The following DTNA variants were observed in gnomAD, a reference collection of about 807,000 sequenced individuals.
DTNA encodes dystrophin-related protein 3.
DTNA carries 43 observed loss-of-function variants against 100.7 expected under a neutral mutation model. That is an observed-to-expected ratio of 0.43 (90% CI 0.33 to 0.55). The LOEUF is 0.55. Among genes scored for constraint, DTNA ranks in the 20% least tolerant of loss-of-function variants. DTNA has a pLI of 0.04. For synonymous variants in DTNA, 349 were observed against 347.9 expected (o/e 1.00, Z -0.04); for missense variants, 798 against 953.9 (o/e 0.84, Z 2.15).
In DTNA at chr18:34,602,374, C is replaced by T. The variant is rs143176117; in HGVS notation, c.-2+108860C>T. ...AATGAATTTGGAACATGCTGTATACCGTATCCCTTTCTTGGAGATTTAGGT... is the reference window on the plus strand; with the variant it reads ...AATGAATTTGGAACATGCTGTATACTGTATCCCTTTCTTGGAGATTTAGGT... On this transcript the variant is annotated intron_variant, in intron 1 of 19. Coordinates refer to the DTNA transcript ENST00000283365. 4.7e-4 allele frequency among the ~76,000 whole-genome samples: 71 copies of T among 152,162 alleles called. 2 individuals are homozygous for T. In the East Asian group the frequency reaches 0.013, roughly 29 times the overall value.
At chr18:34,756,174 C>T in intron 2 of DTNA, 131 bp downstream of exon 2, 1 of 1,101,410 alleles carries the variant, frequency 9.1e-7, no homozygotes, top group South Asian at 1.4e-5. Context: ...ATGAAGTGTA[C>T]ATTTTGGCCT....
chr18:34,556,694 C>T (rs371712686), intron 1 of DTNA, among the ~76,000 whole-genome samples: 23 of 150,456 alleles, frequency 1.5e-4, no homozygotes, highest in East Asian at 7.8e-4. Flanking sequence ...TGTTGAATAT[C>T]GGCCCCCACT....
At chr18:34,670,797 G>A (rs1009596237) in intron 1 of DTNA, among the ~76,000 whole-genome samples, 1 of 152,156 alleles carries the variant, frequency 6.6e-6, no homozygotes, top group African/African-American at 2.4e-5. Context: ...TGTCTCAGAG[G>A]GGTACTCAGC....
intron 4 of DTNA, among the ~76,000 whole-genome samples, chr18:34,799,523 C>G (rs891937579): frequency 2.5e-4 from 38 of 152,010 alleles, no homozygotes; most frequent in Admixed American, 2.5e-3. Flanking sequence ...TATAAAAAAC[C>G]AAATGTTCTT....
At position 34,533,106 on chromosome 18, in the gene DTNA, C is replaced by T. The variant is rs537717269; in HGVS notation, c.-2+39592C>T. Among the ~76,000 whole-genome samples, 773 of 152,146 alleles carry T rather than the reference C, an allele frequency of 5.1e-3. 3 individuals are homozygous for T. Among genetic ancestry groups the T allele is most frequent in the Non-Finnish European group, 9.2e-3 (623 of 67,966 alleles). Reference sequence around the variant, plus strand: ...GAGAGTGGGGCTGGATGCAGTGGCTCATTCCTGTAATCTCAGCACTTTGGG... The same window carrying T: ...GAGAGTGGGGCTGGATGCAGTGGCTTATTCCTGTAATCTCAGCACTTTGGG... On this transcript the variant is annotated intron_variant, in intron 1 of 19. Coordinates refer to the DTNA transcript ENST00000283365.
intron 1 of DTNA, among the ~76,000 whole-genome samples, chr18:34,605,469 C>G (rs1023172853): frequency 2.6e-5 from 4 of 152,142 alleles, no homozygotes; most frequent in Non-Finnish European, 5.9e-5. Flanking sequence ...TGACAATTTT[C>G]AAAGCAGAGA....
At chr18:34,809,302 G>A (rs916214972) in intron 5 of DTNA, among the ~76,000 whole-genome samples, 1 of 152,054 alleles carries the variant, frequency 6.6e-6, no homozygotes, top group Non-Finnish European at 1.5e-5. Flanking sequence ...TGATAAAACA[G>A]ATAAGGTAGC....
At chr18:34,679,473 T>C (rs2077803005) in intron 1 of DTNA, 1 of 152,178 alleles carries the variant, frequency 6.6e-6, no homozygotes, top group Non-Finnish European at 1.5e-5. Flanking sequence ...TGCAGATAAA[T>C]AGGATTTACC....
At chr18:34,558,047 C>G (rs968665468) in intron 1 of DTNA, 1 of 153,506 alleles carries the variant, frequency 6.5e-6, no homozygotes, top group African/African-American at 2.4e-5. Flanking sequence ...ACCCTCCGAG[C>G]CAGGTGCGGG....
chr18:34,686,103 C>T (rs962311537), intron 1 of DTNA, among the ~76,000 whole-genome samples: 2 of 152,152 alleles, frequency 1.3e-5, no homozygotes, highest in African/African-American at 2.4e-5. Flanking sequence ...ATTTGACTTC[C>T]TGTCTTCCTA....
At position 34,750,677 on chromosome 18, in the gene DTNA, G is replaced by A. The variant is rs188060857; in HGVS notation, c.-1-5299G>A. 8.9e-4 allele frequency among the ~76,000 whole-genome samples: 136 copies of A among 152,278 alleles called. 1 individual carries two copies. The highest frequency in any genetic ancestry group is 6.0e-4 in the Non-Finnish European group (41 of 68,034). On this transcript the variant is annotated intron_variant, in intron 1 of 22. Coordinates refer to ENST00000444659, the MANE Select transcript of DTNA (RefSeq NM_001386795.1). ...AGTTCCTTAGCTATAACTTGGGAAT[G>A]TAATATCTTTTTGACTTCCTAACAA...
At chr18:34,664,604 G>A (rs903435508) in intron 1 of DTNA, among the ~76,000 whole-genome samples, 2 of 152,108 alleles carry the variant, frequency 1.3e-5, no homozygotes, top group African/African-American at 4.8e-5. Flanking sequence ...GTTGTGGAGT[G>A]AGAATAGGGT....
At chr18:34,652,024 C>CCACTGCACTACACTGCACTA (rs2060504522) in intron 1 of DTNA, among the ~76,000 whole-genome samples, 1 of 151,618 alleles carries the variant, frequency 6.6e-6, no homozygotes, top group East Asian at 1.9e-4. Flanking sequence ...CATGATCATG[C>CCACTGCACTACACTGCACTA]CACTGCACTA....
chr18:34,537,100 GCTATACCTGTCTAAAT>G (rs1439330659), intron 1 of DTNA, among the ~76,000 whole-genome samples: 1 of 151,932 alleles, frequency 6.6e-6, no homozygotes, highest in African/African-American at 2.4e-5. Context: ...GCTATTACTA[GCTATACCTGTCTAAAT>G]CTCCATGACT....
intron 1 of DTNA, among the ~76,000 whole-genome samples, chr18:34,536,051 GA>G (rs1246423557): frequency 4.0e-5 from 6 of 151,828 alleles, no homozygotes; most frequent in African/African-American, 1.5e-4. Context: ...ATAATTTTCT[GA>G]CATAAAATAA....
At chr18:34,849,421 A>T (rs926993060) in intron 14 of DTNA, among the ~76,000 whole-genome samples, 2 of 152,158 alleles carry the variant, frequency 1.3e-5, no homozygotes, top group Admixed American at 6.5e-5. Context: ...AAGATATGGG[A>T]TTAGCAATGT....
intron 4 of DTNA, among the ~76,000 whole-genome samples, chr18:34,801,147 G>A (rs536208356): frequency 1.3e-5 from 2 of 152,208 alleles, no homozygotes; most frequent in South Asian, 4.1e-4. Context: ...CTCAGAGTGA[G>A]AAAACAAAAT....
chr18:34,827,373 A>G (rs2149538837), intron 9 of DTNA, among the ~76,000 whole-genome samples: 1 of 152,312 alleles, frequency 6.6e-6, no homozygotes, highest in Non-Finnish European at 1.5e-5. Flanking sequence ...TGGTGTCTGG[A>G]GATCTTCCTC....
At chr18:34,694,531 AGCTCT>A (rs2080238824) in intron 1 of DTNA, among the ~76,000 whole-genome samples, 2 of 152,196 alleles carry the variant, frequency 1.3e-5, no homozygotes, top group African/African-American at 4.8e-5. Flanking sequence ...TAAATAATGT[AGCTCT>A]CAATTTTGTC....
Sources: allele counts gnomAD v4.1 joint callset (sites outside exome capture counted in the v4.1 genomes callset), GRCh38; gene constraint gnomAD v4.1.1; transcripts MANE v1.5; gene names NCBI Gene and HGNC (gene_info 2026-07-23, HGNC 2026-07-21).